The following NOL4L variants were observed in gnomAD, a reference collection of about 807,000 sequenced individuals.
The protein encoded by NOL4L is nucleolar protein 4-like.
In NOL4L, 7 loss-of-function variants were observed where a neutral mutation model predicts 64.5. The ratio of observed to expected loss-of-function variants is 0.11; its 90% CI spans 0.06 to 0.20. NOL4L has a LOEUF of 0.20. Ranked by LOEUF, NOL4L falls within the 10% of genes least tolerant of loss-of-function variation. The pLI, the probability that NOL4L is intolerant of heterozygous loss-of-function variation, is 1.00. For missense variants in NOL4L, 680 were observed against 967.1 expected, an observed-to-expected ratio of 0.70 and a Z score of 3.94; for synonymous variants, 413 against 401.0, an observed-to-expected ratio of 1.03 and a Z score of -0.36.
intron 4 of NOL4L, among the ~76,000 whole-genome samples, chr20:32,488,756 T>C (rs1184532844): frequency 3.9e-5 from 2 of 50,920 alleles, no homozygotes; most frequent in Admixed American, 2.3e-4. Flanking sequence ...TTTTCCTTCC[T>C]TCCTTCCTTC....
intron 2 of NOL4L, among the ~76,000 whole-genome samples, chr20:32,524,970 C>T (rs2018078184): frequency 1.3e-5 from 2 of 152,232 alleles, no homozygotes; most frequent in Admixed American, 1.3e-4. Context: ...CAGGAGGGCC[C>T]TGGCCTGCTC....
chr20:32,473,278 C>T lies in NOL4L; in HGVS notation c.841+1323G>A, dbSNP rs536773120. ...GGCACCGCCCTCAGTGTTCCTTGGG[C>T]GTGGCCTCAATCGGCTCAGTTGAGG... On this transcript the variant is annotated intron_variant, in intron 5 of 10. Coordinates refer to ENST00000621426, the MANE Select transcript of NOL4L (RefSeq NM_001256798.2). Among the ~76,000 whole-genome samples the T allele has an allele frequency of 7.2e-5, 11 of 152,284 alleles. No homozygotes were observed. In the East Asian group the frequency reaches 9.7e-4, roughly 13 times the overall value.
intron 2 of NOL4L, among the ~76,000 whole-genome samples, chr20:32,521,838 G>C (rs151004566): frequency 6.6e-6 from 1 of 152,196 alleles, no homozygotes; most frequent in South Asian, 2.1e-4. Flanking sequence ...CCCAGTTACT[G>C]GTTTTCCATG....
intron 3 of NOL4L, among the ~76,000 whole-genome samples, chr20:32,518,514 G>C (rs2017776406): frequency 6.6e-6 from 1 of 152,246 alleles, no homozygotes. Context: ...TGCGGAGGGA[G>C]CTGAGGAATG....
intron 3 of NOL4L, among the ~76,000 whole-genome samples, chr20:32,516,749 G>T (rs1217729868): frequency 6.6e-6 from 1 of 152,210 alleles, no homozygotes; most frequent in Admixed American, 6.5e-5. Context: ...AGGCTGGCAA[G>T]GAGGGATGTG....
intron 1 of NOL4L, among the ~76,000 whole-genome samples, chr20:32,574,255 C>T (rs1485134142): frequency 6.6e-6 from 1 of 152,226 alleles, no homozygotes; most frequent in African/African-American, 2.4e-5. Context: ...TCTTCACATC[C>T]TCATGACAAT....
chr20:32,512,785 A>G (rs2017467505), intron 3 of NOL4L, among the ~76,000 whole-genome samples: 1 of 152,166 alleles, frequency 6.6e-6, no homozygotes, highest in Non-Finnish European at 1.5e-5. Context: ...TGGCCATGTA[A>G]TATTTTACCA....
intron 1 of NOL4L, among the ~76,000 whole-genome samples, chr20:32,562,392 TA>T (rs1469735873): frequency 6.6e-6 from 1 of 152,190 alleles, no homozygotes; most frequent in Non-Finnish European, 1.5e-5. Context: ...AGTGCCCAGA[TA>T]AAATCCAGGC....
At chr20:32,471,155 G>A (rs2014984482) in intron 5 of NOL4L, among the ~76,000 whole-genome samples, 1 of 152,184 alleles carries the variant, frequency 6.6e-6, no homozygotes, top group Admixed American at 6.5e-5. Flanking sequence ...AACCTCAGAG[G>A]CAAGCTCCCG....
intron 1 of NOL4L, among the ~76,000 whole-genome samples, chr20:32,533,136 C>G (rs1454318707): frequency 6.6e-6 from 1 of 151,870 alleles, no homozygotes; most frequent in Admixed American, 6.6e-5. Context: ...AAAACAAAAA[C>G]AAAAAAAACC....
intron 10 of NOL4L, among the ~76,000 whole-genome samples, chr20:32,448,045 G>A (rs544434494): frequency 9.2e-5 from 14 of 152,302 alleles, no homozygotes; most frequent in South Asian, 4.1e-4. Context: ...GCAAGGATCC[G>A]GTTTTAGGTG....
At chr20:32,520,564 C>T (rs2017891784) in intron 3 of NOL4L, among the ~76,000 whole-genome samples, 1 of 152,120 alleles carries the variant, frequency 6.6e-6, no homozygotes, top group South Asian at 2.1e-4. Context: ...CCTTGCAAGG[C>T]AGGGGAAACA....
intron 4 of NOL4L, among the ~76,000 whole-genome samples, chr20:32,501,216 ACTC>A (rs2016911058): frequency 6.6e-6 from 1 of 152,052 alleles, no homozygotes; most frequent in Non-Finnish European, 1.5e-5. Context: ...TGAAAATGAC[ACTC>A]CATGTCTGTG....
At chr20:32,573,361 A>G (rs1402620089) in intron 1 of NOL4L, among the ~76,000 whole-genome samples, 1 of 152,108 alleles carries the variant, frequency 6.6e-6, no homozygotes. Flanking sequence ...AGAGAGGGGC[A>G]GCAACTTGCT....
At position 32,584,692 on chromosome 20, in the gene NOL4L, C is replaced by A; in HGVS notation, c.199G>T (p.Gly67Cys). The change falls in exon 1 of 11, where the codon GGC (glycine) becomes TGC (cysteine). Residue 67 changes from glycine to cysteine, a missense_variant. Physicochemically the swap from Gly to Cys is radical, Grantham distance 159. Transcript: ENST00000621426. ...QGGGGTGAGSGPAAGEKGKFQ... is the reference protein window; with the variant it reads ...QGGGGTGAGSCPAAGEKGKFQ... Reference sequence around the variant, plus strand: ...TTGCCTTTCTCGCCGGCTGCGGGGCCGCTGCCCGCGCCAGTCCCGCCGCCG... The same window carrying A: ...TTGCCTTTCTCGCCGGCTGCGGGGCAGCTGCCCGCGCCAGTCCCGCCGCCG... 1 of 1,548,386 alleles carries A rather than the reference C, an allele frequency of 6.5e-7. No individual in the cohort carries two copies. The highest frequency in any genetic ancestry group is 8.7e-7 in the Non-Finnish European group (1 of 1,145,898).
intron 1 of NOL4L, among the ~76,000 whole-genome samples, chr20:32,551,565 C>G (rs1221923801): frequency 2.6e-5 from 4 of 152,022 alleles, no homozygotes; most frequent in East Asian, 3.9e-4. Flanking sequence ...TTACAAAAGA[C>G]CACGTATTGT....
chr20:32,574,043 G>C (rs562802434), intron 1 of NOL4L, among the ~76,000 whole-genome samples: 3 of 152,292 alleles, frequency 2.0e-5, no homozygotes, highest in Admixed American at 2.0e-4. Context: ...CATCTTCCCA[G>C]CTACCCCTTG....
At chr20:32,527,689 T>C (rs1054804280) in intron 2 of NOL4L, 69 bp downstream of exon 2, 50 of 1,477,516 alleles carry the variant, frequency 3.4e-5, no homozygotes, top group Non-Finnish European at 4.3e-5. Context: ...AAGCCCAACA[T>C]GTGCGGAGCC....
chr20:32,459,380 ATTTTTTT>A (rs35851647), intron 5 of NOL4L, among the ~76,000 whole-genome samples: 5 of 121,334 alleles, frequency 4.1e-5, no homozygotes, highest in African/African-American at 6.4e-5. Context: ...CGCTTGGCTA[ATTTTTTT>A]TTTTTTTTTT....
Sources: gnomAD v4.1 joint callset for allele counts (sites outside exome capture counted in the v4.1 genomes callset) on GRCh38, gnomAD v4.1.1 for gene constraint, MANE v1.5 for transcripts, NCBI Gene and HGNC (gene_info 2026-07-23, HGNC 2026-07-21) for gene names.